The following CYTH3 variants were observed in gnomAD, a reference collection of about 807,000 sequenced individuals.
CYTH3 encodes the protein cytohesin 3.
In CYTH3, 23 loss-of-function variants were observed where a neutral mutation model predicts 55.1. That is an observed-to-expected ratio of 0.42 (90% CI 0.30 to 0.59). The LOEUF is 0.59. Among genes scored for constraint, CYTH3 ranks in the 20% least tolerant of loss-of-function variants. The pLI is 0.20. For synonymous variants in CYTH3, 249 were observed against 194.9 expected (o/e 1.28, Z -2.31); for missense variants, 413 against 524.8 (o/e 0.79, Z 2.08).
At chr7:6,259,332 G>A (rs1780217456) in intron 1 of CYTH3, among the ~76,000 whole-genome samples, 2 of 152,078 alleles carry the variant, frequency 1.3e-5, no homozygotes, top group South Asian at 4.1e-4. Context: ...ATTAACAATA[G>A]CCCTGTTGAG....
chr7:6,244,662 C>T (rs1779757993), intron 1 of CYTH3, among the ~76,000 whole-genome samples: 1 of 152,040 alleles, frequency 6.6e-6, no homozygotes, highest in East Asian at 1.9e-4. Context: ...GGTCTCACTA[C>T]ATTTCCTAGG....
chr7:6,186,728 A>G (rs1583759751), intron 4 of CYTH3, among the ~76,000 whole-genome samples: 1 of 152,150 alleles, frequency 6.6e-6, no homozygotes, highest in African/African-American at 2.4e-5. Flanking sequence ...AGATGCGAAT[A>G]TGAGCCTCGA....
chr7:6,227,384 T>C (rs916405504), intron 1 of CYTH3, among the ~76,000 whole-genome samples: 1 of 152,074 alleles, frequency 6.6e-6, no homozygotes, highest in Non-Finnish European at 1.5e-5. Flanking sequence ...GAAAGGCTCA[T>C]AATGAAAAAC....
intron 1 of CYTH3, among the ~76,000 whole-genome samples, chr7:6,234,454 G>C (rs1779466864): frequency 1.3e-5 from 2 of 152,316 alleles, no homozygotes; most frequent in South Asian, 4.1e-4. Flanking sequence ...AAGTTCAAAA[G>C]GAACACGATT....
At chr7:6,227,275 G>A (rs1261164901) in intron 1 of CYTH3, among the ~76,000 whole-genome samples, 2 of 152,026 alleles carry the variant, frequency 1.3e-5, no homozygotes, top group African/African-American at 4.8e-5. Context: ...AACACATGCA[G>A]AAGATGGTTG....
intron 2 of CYTH3, 28 bp downstream of exon 2, chr7:6,190,396 TCAAAAGCAAAAAACAGAGTTTTGGA>T: frequency 7.5e-7 from 1 of 1,325,688 alleles, no homozygotes. Context: ...ACTATTTTAC[TCAAAAGCAAAAAACAGAGTTTTGGA>T]TTTTTGGTTT....
chr7:6,267,967 A>C (rs1583211083), intron 1 of CYTH3, among the ~76,000 whole-genome samples: 1 of 152,324 alleles, frequency 6.6e-6, no homozygotes, highest in Admixed American at 6.5e-5. Flanking sequence ...TCAAAAAATA[A>C]AAAGGCGCAT....
chr7:6,261,121 G>T (rs532359350), intron 1 of CYTH3, among the ~76,000 whole-genome samples: 1 of 152,154 alleles, frequency 6.6e-6, no homozygotes, highest in East Asian at 1.9e-4. Context: ...GATTCCAGAG[G>T]GAAAAGGGGA....
intron 1 of CYTH3, among the ~76,000 whole-genome samples, chr7:6,210,816 A>G (rs1171854970): frequency 6.6e-6 from 1 of 152,234 alleles, no homozygotes; most frequent in Non-Finnish European, 1.5e-5. Context: ...GTCTTCCAAG[A>G]AAACAGTTGG....
intron 2 of CYTH3, among the ~76,000 whole-genome samples, 198 bp downstream of exon 2, chr7:6,190,251 C>A (rs1300364133): frequency 6.6e-6 from 1 of 151,674 alleles, no homozygotes; most frequent in Non-Finnish European, 1.5e-5. Flanking sequence ...GGAGTCTTTG[C>A]TTTCCCAACT....
intron 1 of CYTH3, among the ~76,000 whole-genome samples, chr7:6,238,923 A>ATAT (rs1250365562): frequency 6.6e-6 from 1 of 150,814 alleles, no homozygotes; most frequent in Non-Finnish European, 1.5e-5. Context: ...AATAATAATA[A>ATAT]TAAAAAAAAG....
chr7:6,196,990 GA>G (rs1469698794), intron 1 of CYTH3, among the ~76,000 whole-genome samples: 5 of 152,180 alleles, frequency 3.3e-5, no homozygotes, highest in African/African-American at 1.2e-4. Context: ...TCCTTTTTAA[GA>G]AAGTCTATCT....
chr7:6,268,837 G>C (rs1282070577), intron 1 of CYTH3, among the ~76,000 whole-genome samples: 1 of 152,080 alleles, frequency 6.6e-6, no homozygotes, highest in Non-Finnish European at 1.5e-5. Context: ...TTTAATATAA[G>C]GAATTAGTGA....
chr7:6,259,744 A>ATATATATAT (rs1780233409), intron 1 of CYTH3, among the ~76,000 whole-genome samples: 1 of 17,924 alleles, frequency 5.6e-5, no homozygotes, highest in African/African-American at 2.6e-4. Flanking sequence ...CATATATATA[A>ATATATATAT]TATATATATA....
chr7:6,165,899 G>T, intron 9 of CYTH3, 89 bp from the exon 10 acceptor site: 2 of 1,339,888 alleles, frequency 1.5e-6, no homozygotes, highest in Non-Finnish European at 2.1e-6. Context: ...ACAGACCACT[G>T]CGTTTTCAGA....
chr7:6,175,518 T>C (rs903985812), intron 5 of CYTH3, among the ~76,000 whole-genome samples: 3 of 150,092 alleles, frequency 2.0e-5, no homozygotes, highest in Admixed American at 1.3e-4. Flanking sequence ...ATGCCAGTCT[T>C]ACAATGTCTT....
chr7:6,263,471 G>A (rs1323831009), intron 1 of CYTH3, among the ~76,000 whole-genome samples: 1 of 152,164 alleles, frequency 6.6e-6, no homozygotes, highest in Non-Finnish European at 1.5e-5. Context: ...AGTACCGTTT[G>A]TAACACCACC....
intron 1 of CYTH3, among the ~76,000 whole-genome samples, chr7:6,192,761 G>C (rs1348284238): frequency 1.3e-5 from 2 of 150,484 alleles, no homozygotes; most frequent in Admixed American, 6.6e-5. Flanking sequence ...TTGAACTCCT[G>C]ACCTCAAGTG....
At position 6,187,728 on chromosome 7, in the gene CYTH3, A is replaced by G; in HGVS notation, c.118-7T>C. Reference sequence around the variant, plus strand: ...CAATTTCATATTTCAGCCTCTGTCAAAAAAGAAGAATTTCGAGGTGGGGAG... The same window carrying G: ...CAATTTCATATTTCAGCCTCTGTCAGAAAAGAAGAATTTCGAGGTGGGGAG... On this transcript the variant is annotated splice_polypyrimidine_tract_variant and splice_region_variant and intron_variant, in intron 2 of 12. Coordinates refer to ENST00000350796, the MANE Select transcript of CYTH3 (RefSeq NM_004227.4). The G allele has an allele frequency of 6.2e-7, 1 of 1,613,976 alleles. No individual in the cohort carries two copies. Among genetic ancestry groups the G allele is most frequent in the Non-Finnish European group, 8.5e-7 (1 of 1,179,866 alleles).
Sources: gnomAD v4.1 joint callset for allele counts (sites outside exome capture counted in the v4.1 genomes callset) on GRCh38, gnomAD v4.1.1 for gene constraint, MANE v1.5 for transcripts, NCBI Gene and HGNC (gene_info 2026-07-23, HGNC 2026-07-21) for gene names.